MYBPC3: variants seen among roughly 807,000 people sequenced by gnomAD.
MYBPC3 encodes myosin binding protein C3, also known as myosin-binding protein C, cardiac-type.
A neutral mutation model predicts 159.3 loss-of-function variants in MYBPC3; 108 were observed. That is an observed-to-expected ratio of 0.68 (90% confidence interval 0.58 to 0.80). The LOEUF is 0.80. Among genes scored for constraint, MYBPC3 ranks in the 30% least tolerant of loss-of-function variants. The pLI is 0.00. For synonymous variants in MYBPC3, 730 were observed against 702.0 expected, an observed-to-expected ratio of 1.04 and a Z score of -0.63; for missense variants, 1,631 against 1,762.1, an observed-to-expected ratio of 0.93 and a Z score of 1.33.
Position 47,338,662 on chromosome 11 carries a change from C to G in MYBPC3, c.2166G>C (p.Glu722Asp). 1 of 1,612,926 alleles carries G rather than the reference C, an allele frequency of 6.2e-7. No homozygotes were observed. The highest frequency in any genetic ancestry group is 8.5e-7 in the Non-Finnish European group (1 of 1,179,448). ...VFDKKLLCET[E>D]GRVRVETTKD... ...TGGTGGTCTCCACGCGGACCCGGCC[C>G]TCGGTCTCACACAGCAGCTGGGGGG... Residue 722 changes from glutamate to aspartate, a missense_variant, in exon 23 of 35, where the codon GAG becomes GAC. Physicochemically the swap from Glu to Asp is conservative, Grantham distance 45. Coordinates refer to ENST00000545968, the MANE Select transcript of MYBPC3 (RefSeq NM_000256.3). The surrounding 1 kb of genome is among the most constrained non-coding windows in gnomAD (Gnocchi z 4.7).
intron 18 of MYBPC3, 42 bp downstream of exon 18, chr11:47,341,949 C>T (rs1013139815): frequency 2.6e-6 from 4 of 1,549,652 alleles, no homozygotes; most frequent in Non-Finnish European, 3.5e-6. Flanking sequence ...CTGTCTCCAT[C>T]TCAGTCTCCA....
At chr11:47,347,508 C>T (rs1343949799) in intron 8 of MYBPC3, 29 bp from the exon 9 acceptor site, 13 of 1,588,106 alleles carry the variant, frequency 8.2e-6, no homozygotes, top group Admixed American at 1.8e-5. Flanking sequence ...AGTGAGGCTG[C>T]AGTGAGGGAC....
At chr11:47,335,468 C>A in intron 26 of MYBPC3, 1 of 330,366 alleles carries the variant, frequency 3.0e-6, no homozygotes, top group Non-Finnish European at 5.5e-6. Flanking sequence ...GCTGGGATCA[C>A]AGGTGCCCAC....
chr11:47,348,309 G>T lies in MYBPC3; in HGVS notation c.772+115C>A, dbSNP rs564774011. 2.2e-5 allele frequency: 17 copies of T among 782,272 alleles called. 1 individual carries two copies. In the Admixed American group the frequency reaches 3.7e-4, roughly 17 times the overall value. 48.5% of individuals were successfully genotyped at this position (782,272 alleles called of 1,614,324 possible). A position where few individuals can be genotyped will look rare whatever the true frequency, so the allele number is the denominator to read the frequency against. ...CTGTGTGTGCAGCACTGGGCACGTG[G>T]CCAGCACTCATGTCTGGATGGGACG... is the stretch of plus-strand genomic sequence containing the variant. On this transcript the variant is annotated intron_variant, in intron 6 of 34. Coordinates refer to ENST00000545968, the MANE Select transcript of MYBPC3 (RefSeq NM_000256.3).
chr11:47,350,575 A>AGAAGGG lies in MYBPC3; in HGVS notation c.332_333insCCCTTC (p.Ala111_Glu112insProSer). The AGAAGGG allele has an allele frequency of 6.5e-7, 1 of 1,534,756 alleles. No homozygotes were observed. Among genetic ancestry groups the AGAAGGG allele is most frequent in the Non-Finnish European group, 8.7e-7 (1 of 1,148,986 alleles). ...CTTCTCCAGGGGCTCCAGTGGCCTC[A>AGAAGGG]GCAGGGGCAGGGGCAGGGGCCAGCA... On this transcript the variant is annotated inframe_insertion, in exon 3 of 35. Coordinates refer to ENST00000545968, the MANE Select transcript of MYBPC3 (RefSeq NM_000256.3).
chr11:47,349,120 C>G (rs1321160863), intron 5 of MYBPC3, among the ~76,000 whole-genome samples: 1 of 151,414 alleles, frequency 6.6e-6, no homozygotes, highest in Non-Finnish European at 1.5e-5. Context: ...ATGTTGGCCT[C>G]TCTTGCTAGA....
intron 12 of MYBPC3, among the ~76,000 whole-genome samples, chr11:47,345,355 C>T (rs2095893072): frequency 6.6e-6 from 1 of 152,190 alleles, no homozygotes. Flanking sequence ...GAGGCTGAGA[C>T]AACAGGGAGG....
chr11:47,351,105 C>T lies in MYBPC3; in HGVS notation c.292+134G>A, dbSNP rs911006800. 8 of 1,196,802 alleles carry T rather than the reference C, an allele frequency of 6.7e-6. No homozygotes were observed. In the Admixed American group the frequency reaches 2.3e-4, roughly 35 times the overall value. The allele number at this position is 1,196,802 out of a possible 1,614,324, so 74.1% of individuals were successfully genotyped here. On this transcript the variant is annotated intron_variant, in intron 2 of 34. Coordinates refer to ENST00000545968, the MANE Select transcript of MYBPC3 (RefSeq NM_000256.3). The surrounding 1 kb of genome is among the most constrained non-coding windows in gnomAD (Gnocchi z 4.2). Reference sequence around the variant, plus strand: ...GTGCAGAAAAGGGGGAAAGGGCGTTCCTGGCGGGGGGCACAGCCACAGCAA... The same window carrying T: ...GTGCAGAAAAGGGGGAAAGGGCGTTTCTGGCGGGGGGCACAGCCACAGCAA...
In MYBPC3 at chr11:47,338,399, T is replaced by G; in HGVS notation, c.2308+121A>C. ...CTTTTGGGCAGAAAAACCTGTCCTG[T>G]TGCCGCTCGGCTCAGGGAGCATGCC... On this transcript the variant is annotated intron_variant, in intron 23 of 34. Transcript: ENST00000545968. This position sits in a 1 kb window ranked among gnomAD's most constrained non-coding sequence, Gnocchi z 4.7. The G allele has an allele frequency of 2.1e-6, 3 of 1,419,328 alleles. No homozygotes were observed. The South Asian group carries it at 4.0e-5, about 19-fold the overall frequency. The allele number at this position is 1,419,328 out of a possible 1,614,324, so 87.9% of individuals were successfully genotyped here.
chr11:47,339,412 C>CA lies in MYBPC3; in HGVS notation c.2068-9dup, dbSNP rs760675093. On this transcript the variant is annotated splice_polypyrimidine_tract_variant and intron_variant, in intron 21 of 34. Transcript: ENST00000545968. ...GGCTGGGGCCTTATTCCCCTGGGAA[C>CA]AGGGCAGGAGGGAAGTAGGGAGCAG... 2.5e-6 allele frequency: 4 copies of CA among 1,613,788 alleles called. No homozygotes were observed. The highest frequency in any genetic ancestry group is 3.4e-6 in the Non-Finnish European group (4 of 1,179,674).
chr11:47,331,734 T>C lies in MYBPC3; in HGVS notation c.*27-18A>G, dbSNP rs1278750559. ...GGTTGTACCTGCAACACAGGTTATC[T>C]TACGAGTGAATGGAGGGCCCCTACA... is the stretch of plus-strand genomic sequence containing the variant. On this transcript the variant is annotated intron_variant, in intron 34 of 34. Transcript: ENST00000545968. The C allele has an allele frequency of 1.7e-6, 2 of 1,159,566 alleles. No homozygotes were observed. Among genetic ancestry groups the C allele is most frequent in the Non-Finnish European group, 2.4e-6 (2 of 831,826 alleles). 71.8% of individuals were successfully genotyped at this position (1,159,566 alleles called of 1,614,324 possible). A position where few individuals can be genotyped will look rare whatever the true frequency, so the allele number is the denominator to read the frequency against.
rs1595842991 is a variant in MYBPC3 at position 47,335,907 on chromosome 11, C to T, written c.2707G>A (p.Gly903Ser). ...PERVGAGGLD[G>S]YSVEYCPEGC... ...TCTGGGCAGTACTCCACGCTGTAGC[C>T]ATCCAGGCCTCCTGCTCCCACGCGC... The change falls in exon 26 of 35, where the codon GGC (glycine) becomes AGC (serine). Residue 903 changes from glycine (G) to serine (S), a missense_variant. Transcript: ENST00000545968. 2 of 1,541,972 alleles carry T rather than the reference C, an allele frequency of 1.3e-6. No homozygotes were observed. The highest frequency in any genetic ancestry group is 1.4e-5 in the African/African-American group (1 of 72,540).
rs908800235 is a variant in MYBPC3, at chr11:47,332,789, G to A, written c.3490+25C>T. On this transcript the variant is annotated intron_variant, in intron 31 of 34. Coordinates refer to ENST00000545968, the MANE Select transcript of MYBPC3 (RefSeq NM_000256.3). The surrounding 1 kb of genome is among the most constrained non-coding windows in gnomAD (Gnocchi z 4.2). Reference sequence around the variant, plus strand: ...CCACAGCCTCCCTGCCCCAGCCCCTGGTTGGAAGAATGAGGGTACAGCACC... The same window carrying A: ...CCACAGCCTCCCTGCCCCAGCCCCTAGTTGGAAGAATGAGGGTACAGCACC... 1.0e-5 allele frequency: 16 copies of A among 1,595,324 alleles called. No homozygotes were observed. The highest frequency in any genetic ancestry group is 1.3e-5 in the African/African-American group (1 of 74,572).
In MYBPC3 at chr11:47,350,529, G is replaced by C; in HGVS notation, c.379C>G (p.Leu127Val). ...PGEAPAPAAE[L>V]GESAPSPKGS... The stretch of plus-strand genomic sequence containing the variant: ...TTGGGACTTGGGGCACTTTCTCCCA[G>C]CTCAGCGGCTGGGGCCGGGGCTTCT... The change falls in exon 3 of 35, where the codon CTG (leucine) becomes GTG (valine). Residue 127 changes from leucine to valine, a missense_variant. Leu to Val is a conservative substitution (Grantham distance 32, BLOSUM62 1). Transcript: ENST00000545968. The C allele has an allele frequency of 3.2e-6, 5 of 1,558,078 alleles. No individual in the cohort carries two copies. Among genetic ancestry groups the C allele is most frequent in the Non-Finnish European group, 4.3e-6 (5 of 1,156,966 alleles).
At chr11:47,347,074 G>C in intron 9 of MYBPC3, 45 bp from the exon 10 acceptor site, 1 of 877,814 alleles carries the variant, frequency 1.1e-6, no homozygotes, top group Non-Finnish European at 1.9e-6. Flanking sequence ...CCGGGGGAGA[G>C]GGAGAGAGAG....
At chr11:47,352,226 G>A (rs1238082430) in intron 1 of MYBPC3, among the ~76,000 whole-genome samples, 2 of 152,160 alleles carry the variant, frequency 1.3e-5, no homozygotes, top group African/African-American at 4.8e-5. Flanking sequence ...ACCCATAGTG[G>A]GTAGAGACTG....
At position 47,335,194 on chromosome 11, in the gene MYBPC3, G is replaced by A; in HGVS notation, c.2753C>T (p.Ala918Val). 6.2e-7 allele frequency: 1 copy of A among 1,600,468 alleles called. No homozygotes were observed. The highest frequency in any genetic ancestry group is 8.5e-7 in the Non-Finnish European group (1 of 1,172,644). Residue 918 changes from alanine to valine, a missense_variant, in exon 27 of 35, where the codon GCT (alanine) becomes GTT (valine). Physicochemically the swap from Ala to Val is moderately conservative, Grantham distance 64. Transcript: ENST00000545968. ...YCPEGCSEWV[A>V]ALQGLTEHTS... is the part of the protein sequence containing the mutation. ...GTGCTCTGTCAGCCCCTGCAGGGCAGCCACCCACTCTGAGCCTGGGGGTGG... is the reference window on the plus strand; with the variant it reads ...GTGCTCTGTCAGCCCCTGCAGGGCAACCACCCACTCTGAGCCTGGGGGTGG...
rs747965077 is a variant in MYBPC3, at chr11:47,351,414, C to T, written c.117G>A (p.Lys39=). The T allele has an allele frequency of 6.2e-7, 1 of 1,610,406 alleles. No individual in the cohort carries two copies. The highest frequency in any genetic ancestry group is 1.7e-5 in the Admixed American group (1 of 59,774). The change falls in exon 2 of 35, where the codon AAG becomes AAA. Residue 39 remains lysine (K), a synonymous_variant. Transcript: ENST00000545968. The surrounding 1 kb of genome is among the most constrained non-coding windows in gnomAD (Gnocchi z 4.2). ...FEAETERAGV[K]VRWQRGGSDI... is the part of the protein sequence containing the mutation. Reference sequence around the variant, plus strand: ...CACTGCCTCCGCGCTGCCAGCGCACCTTCACTCCTGCCCGCTCTGTCTCGG... The same window carrying T: ...CACTGCCTCCGCGCTGCCAGCGCACTTTCACTCCTGCCCGCTCTGTCTCGG...
At position 47,349,782 on chromosome 11, in the gene MYBPC3, C is replaced by A. The variant is rs201098973; in HGVS notation, c.646G>T (p.Ala216Ser). 3.7e-6 allele frequency: 6 copies of A among 1,605,254 alleles called. No individual in the cohort carries two copies. The South Asian group carries it at 4.4e-5, about 12-fold the overall frequency. Residue 216 changes from alanine (A) to serine (S), a missense_variant, in exon 5 of 35, where the codon GCC becomes TCC. Coordinates refer to ENST00000545968, the MANE Select transcript of MYBPC3 (RefSeq NM_000256.3). ...GACCCCGGTGGACCCACCTTGCTGG[C>A]GCGGTCGTAGCTGTCGTGCAGCTGC... ...HLQLHDSYDR[A>S]SKVYLFELHI...
Sources: allele counts gnomAD v4.1 joint callset (sites outside exome capture counted in the v4.1 genomes callset), GRCh38; gene constraint gnomAD v4.1.1; non-coding constraint Gnocchi (gnomAD v3.1); transcripts MANE v1.5; gene names NCBI Gene and HGNC (gene_info 2026-07-23, HGNC 2026-07-21).